PLPPR1: variants seen among roughly 807,000 people sequenced by gnomAD.
PLPPR1 encodes the protein phospholipid phosphatase-related protein type 1.
In PLPPR1, 10 loss-of-function variants were observed where a neutral mutation model predicts 33.1. The ratio of observed to expected loss-of-function variants is 0.30; its 90% CI spans 0.19 to 0.51. The LOEUF is 0.51. Ranked by LOEUF, PLPPR1 falls within the 20% of genes least tolerant of loss-of-function variation. The pLI, the probability that PLPPR1 is intolerant of heterozygous loss-of-function variation, is 0.97. For missense variants in PLPPR1, 304 were observed against 408.1 expected, an observed-to-expected ratio of 0.74 and a Z score of 2.20; for synonymous variants, 151 against 151.0, an observed-to-expected ratio of 1.00 and a Z score of 0.00.
chr9:101,236,679 A>C (rs1176321164), intron 2 of PLPPR1, among the ~76,000 whole-genome samples: 1 of 151,702 alleles, frequency 6.6e-6, no homozygotes. Context: ...ATACATGTAT[A>C]CAACGTGTAA....
intron 1 of PLPPR1, among the ~76,000 whole-genome samples, chr9:101,039,119 A>G (rs543986575): frequency 6.6e-6 from 1 of 152,318 alleles, no homozygotes; most frequent in East Asian, 1.9e-4. Context: ...CCATGATAGT[A>G]GCATAAATAG....
chr9:101,107,978 G>A (rs1830997859), intron 1 of PLPPR1, among the ~76,000 whole-genome samples: 2 of 150,164 alleles, frequency 1.3e-5, no homozygotes, highest in Admixed American at 6.6e-5. Flanking sequence ...GCGCTTCCCA[G>A]GTGAGGCAAT....
intron 2 of PLPPR1, among the ~76,000 whole-genome samples, chr9:101,186,738 T>G (rs1826210878): frequency 6.6e-6 from 1 of 151,932 alleles, no homozygotes; most frequent in Non-Finnish European, 1.5e-5. Context: ...TTTCACCTTA[T>G]AGACATTGCT....
chr9:101,090,687 C>T (rs941232326), intron 1 of PLPPR1, among the ~76,000 whole-genome samples: 13 of 151,988 alleles, frequency 8.6e-5, no homozygotes, highest in African/African-American at 2.9e-4. Context: ...CACTGCTCTC[C>T]AGCCTGGACG....
chr9:101,215,795 T>C (rs1053409601), intron 2 of PLPPR1, among the ~76,000 whole-genome samples: 3 of 151,422 alleles, frequency 2.0e-5, no homozygotes, highest in Non-Finnish European at 4.4e-5. Flanking sequence ...TCCAGTTCCA[T>C]GCATGTTGTT....
rs570062254 is a variant in PLPPR1 at position 101,299,644 on chromosome 9, T to G, written c.386-9567T>G. On this transcript the variant is annotated intron_variant, in intron 4 of 7. Coordinates refer to ENST00000374874, the MANE Select transcript of PLPPR1 (RefSeq NM_207299.2). Reference sequence around the variant, plus strand: ...TTCTTTTCTGTGGGTCCTCCTTAGCTCTAGTGTTGAGAGGCTGGACTCCAA... The same window carrying G: ...TTCTTTTCTGTGGGTCCTCCTTAGCGCTAGTGTTGAGAGGCTGGACTCCAA... 3.9e-5 allele frequency among the ~76,000 whole-genome samples: 6 copies of G among 152,270 alleles called. No homozygotes were observed. In the East Asian group the frequency reaches 1.2e-3, roughly 29 times the overall value.
At chr9:101,106,275 A>G (rs1439201465) in intron 1 of PLPPR1, among the ~76,000 whole-genome samples, 1 of 138,360 alleles carries the variant, frequency 7.2e-6, no homozygotes, top group Admixed American at 7.1e-5. Context: ...ATGATTTTGC[A>G]GCGGCTGGTA....
chr9:101,125,069 C>G (rs1188723922), intron 1 of PLPPR1, among the ~76,000 whole-genome samples: 1 of 152,230 alleles, frequency 6.6e-6, no homozygotes, highest in Non-Finnish European at 1.5e-5. Flanking sequence ...TTGTCTGTCC[C>G]TGCAAATCTC....
At chr9:101,268,176 C>T (rs952144728) in intron 2 of PLPPR1, among the ~76,000 whole-genome samples, 1 of 151,250 alleles carries the variant, frequency 6.6e-6, no homozygotes, top group African/African-American at 2.4e-5. Flanking sequence ...GAGTGCAGCA[C>T]ACCAACATGG....
intron 3 of PLPPR1, among the ~76,000 whole-genome samples, chr9:101,277,478 A>C (rs142357255): frequency 2.0e-5 from 3 of 152,314 alleles, no homozygotes; most frequent in Non-Finnish European, 4.4e-5. Context: ...TGGCTGAAGG[A>C]AGAAGCAATG....
chr9:101,178,209 G>C (rs1345004053), intron 1 of PLPPR1, among the ~76,000 whole-genome samples: 1 of 152,226 alleles, frequency 6.6e-6, no homozygotes, highest in African/African-American at 2.4e-5. Flanking sequence ...CATGGACAAA[G>C]TGGCCATGGT....
intron 1 of PLPPR1, among the ~76,000 whole-genome samples, chr9:101,115,408 G>A (rs1831106241): frequency 1.3e-5 from 2 of 152,310 alleles, no homozygotes; most frequent in Admixed American, 1.3e-4. Context: ...GCCTAAATGG[G>A]CAAACATTGG....
At chr9:101,052,773 G>C (rs1354321692) in intron 1 of PLPPR1, among the ~76,000 whole-genome samples, 1 of 152,218 alleles carries the variant, frequency 6.6e-6, no homozygotes, top group Non-Finnish European at 1.5e-5. Context: ...GTAGAAAAAA[G>C]AGATTCCACT....
chr9:101,175,740 C>T (rs1826009947), intron 1 of PLPPR1, among the ~76,000 whole-genome samples: 1 of 151,886 alleles, frequency 6.6e-6, no homozygotes. Flanking sequence ...ACCTTTGTCA[C>T]CAAGAAACTC....
chr9:101,222,715 G>A (rs1826970771), intron 2 of PLPPR1, among the ~76,000 whole-genome samples: 1 of 152,148 alleles, frequency 6.6e-6, no homozygotes, highest in Non-Finnish European at 1.5e-5. Context: ...AGCTGTTGGT[G>A]GCAAGTCTCT....
chr9:101,323,331 CA>C (rs942174112), intron 7 of PLPPR1, among the ~76,000 whole-genome samples: 7 of 151,662 alleles, frequency 4.6e-5, no homozygotes, highest in African/African-American at 1.5e-4. Flanking sequence ...ACTGTCTCTA[CA>C]AAAAATTTAA....
At chr9:101,042,403 G>A (rs1044752313) in intron 1 of PLPPR1, among the ~76,000 whole-genome samples, 2 of 152,086 alleles carry the variant, frequency 1.3e-5, no homozygotes, top group African/African-American at 4.8e-5. Flanking sequence ...CATTCAGAAA[G>A]CATTTACTGA....
At chr9:101,111,119 A>G (rs930355166) in intron 1 of PLPPR1, among the ~76,000 whole-genome samples, 1 of 152,278 alleles carries the variant, frequency 6.6e-6, no homozygotes, top group African/African-American at 2.4e-5. Context: ...CTAAAATGAT[A>G]TATACCAAAA....
At chr9:101,107,701 T>C (rs1350684675) in intron 1 of PLPPR1, among the ~76,000 whole-genome samples, 1 of 96,744 alleles carries the variant, frequency 1.0e-5, no homozygotes, top group Non-Finnish European at 2.0e-5. Context: ...CCGGCTGCTT[T>C]GTTTACCTAA....
Sources: gnomAD v4.1 joint callset for allele counts (sites outside exome capture counted in the v4.1 genomes callset) on GRCh38, gnomAD v4.1.1 for gene constraint, MANE v1.5 for transcripts, NCBI Gene and HGNC (gene_info 2026-07-23, HGNC 2026-07-21) for gene names.